Variants in HOMER1 observed in about 807,000 individuals in gnomAD.
HOMER1 encodes the protein homer scaffold protein 1, also known as homer protein homolog 1.
In HOMER1, 3 loss-of-function variants were observed where a neutral mutation model predicts 48.9. The ratio of observed to expected loss-of-function variants is 0.06; its 90% CI spans 0.03 to 0.16. HOMER1 has a LOEUF of 0.16. HOMER1 is among the 10% of genes least tolerant of loss of function. The probability of loss-of-function intolerance (pLI) is 1.00; values close to 1 mark genes in which losing one functional copy is unlikely to be tolerated. For synonymous variants in HOMER1, 134 were observed against 146.4 expected (o/e 0.92, Z 0.61); for missense variants, 247 against 411.4 (o/e 0.60, Z 3.46).
chr5:79,448,740 A>T (rs924966978), intron 3 of HOMER1, among the ~76,000 whole-genome samples: 2 of 152,188 alleles, frequency 1.3e-5, no homozygotes, highest in African/African-American at 4.8e-5. Context: ...CAAAACACCA[A>T]AATTAGTCTA....
chr5:79,422,709 T>C (rs1284040703), intron 5 of HOMER1, among the ~76,000 whole-genome samples: 1 of 151,956 alleles, frequency 6.6e-6, no homozygotes, highest in African/African-American at 2.4e-5. Context: ...CTTTAATGAA[T>C]AGACTTCTAT....
chr5:79,389,981 T>C (rs1358484262), intron 8 of HOMER1, among the ~76,000 whole-genome samples: 2 of 152,060 alleles, frequency 1.3e-5, no homozygotes, highest in Non-Finnish European at 2.9e-5. Context: ...AGTCAAAGGA[T>C]ATCATTAAAA....
chr5:79,446,956 G>A, intron 4 of HOMER1, 97 bp downstream of exon 4: 5 of 757,018 alleles, frequency 6.6e-6, no homozygotes, highest in Non-Finnish European at 1.1e-5. Context: ...ACTAAAGGGT[G>A]CATTTCTGTG....
At chr5:79,509,720 C>T (rs1752882923) in intron 1 of HOMER1, among the ~76,000 whole-genome samples, 1 of 152,144 alleles carries the variant, frequency 6.6e-6, no homozygotes, top group African/African-American at 2.4e-5. Flanking sequence ...TCTCCATTTC[C>T]AAAAAGTTCA....
At chr5:79,510,901 T>C (rs1690859481) in intron 1 of HOMER1, 3 of 651,384 alleles carry the variant, frequency 4.6e-6, no homozygotes, top group Non-Finnish European at 2.7e-6. Context: ...AGAGTAGATA[T>C]CTCTATCTGC....
chr5:79,386,623 G>T (rs1389741282), intron 8 of HOMER1, among the ~76,000 whole-genome samples: 1 of 152,096 alleles, frequency 6.6e-6, no homozygotes, highest in Non-Finnish European at 1.5e-5. Context: ...GAGAGGGATT[G>T]AAATATTACC....
chr5:79,409,834 C>G (rs78605008), intron 5 of HOMER1, among the ~76,000 whole-genome samples: 4,525 of 152,236 alleles, frequency 0.03, 225 homozygotes, highest in African/African-American at 0.1. Flanking sequence ...CACCTCACAT[C>G]CACTAGGATG....
chr5:79,382,722 T>C (rs943839046), intron 8 of HOMER1, among the ~76,000 whole-genome samples: 4 of 152,092 alleles, frequency 2.6e-5, no homozygotes, highest in African/African-American at 9.7e-5. Context: ...CATGAAAGTA[T>C]AAAATATTGT....
intron 1 of HOMER1, among the ~76,000 whole-genome samples, chr5:79,506,668 G>A (rs2112382519): frequency 6.6e-6 from 1 of 152,080 alleles, no homozygotes; most frequent in South Asian, 2.1e-4. Context: ...GAAACCCCAT[G>A]CCTACAAAAA....
chr5:79,389,023 A>G (rs1749184158), intron 8 of HOMER1, among the ~76,000 whole-genome samples: 1 of 152,118 alleles, frequency 6.6e-6, no homozygotes, highest in South Asian at 2.1e-4. Flanking sequence ...ATTTCGTGAA[A>G]TATTCTAGTA....
intron 1 of HOMER1, among the ~76,000 whole-genome samples, chr5:79,509,597 G>A (rs937819941): frequency 1.3e-5 from 2 of 152,130 alleles, no homozygotes; most frequent in Admixed American, 6.5e-5. Context: ...TAGGGGATCT[G>A]ATACACCTAT....
At chr5:79,439,269 A>T in intron 4 of HOMER1, 120 bp from the exon 5 acceptor site, 1 of 846,708 alleles carries the variant, frequency 1.2e-6, no homozygotes, top group Non-Finnish European at 1.7e-6. Flanking sequence ...TTCAACTGAA[A>T]TTTGAGTCAA....
At chr5:79,482,451 C>T (rs1020456545) in intron 1 of HOMER1, among the ~76,000 whole-genome samples, 1 of 151,844 alleles carries the variant, frequency 6.6e-6, no homozygotes, top group East Asian at 1.9e-4. Context: ...TAAGCAGTTA[C>T]ACTTGAACGT....
intron 1 of HOMER1, among the ~76,000 whole-genome samples, chr5:79,501,072 G>A (rs895434025): frequency 2.6e-5 from 4 of 151,922 alleles, no homozygotes; most frequent in African/African-American, 4.8e-5. Flanking sequence ...CCAGGCTCAA[G>A]CCATCCTCCC....
intron 5 of HOMER1, among the ~76,000 whole-genome samples, chr5:79,415,581 A>C (rs1309327225): frequency 1.3e-5 from 2 of 152,250 alleles, no homozygotes; most frequent in Non-Finnish European, 2.9e-5. Context: ...AAGAGTTGTC[A>C]TAGTCATAGT....
chr5:79,471,682 C>G (rs1751626057), intron 1 of HOMER1, among the ~76,000 whole-genome samples: 1 of 151,954 alleles, frequency 6.6e-6, no homozygotes, highest in African/African-American at 2.4e-5. Context: ...CAGTGGTTTT[C>G]AAGAGCCTCT....
intron 6 of HOMER1, 60 bp downstream of exon 6, chr5:79,401,839 T>C: frequency 6.5e-7 from 1 of 1,532,134 alleles, no homozygotes; most frequent in Non-Finnish European, 8.9e-7. Flanking sequence ...CATGCAAATT[T>C]CTTCTGATCA....
intron 1 of HOMER1, among the ~76,000 whole-genome samples, chr5:79,496,745 C>T (rs1186500767): frequency 6.6e-6 from 1 of 151,958 alleles, no homozygotes; most frequent in Non-Finnish European, 1.5e-5. Context: ...AAGAAAGGAA[C>T]ACAAAAGAAA....
intron 8 of HOMER1, among the ~76,000 whole-genome samples, chr5:79,387,321 G>A (rs78125419): frequency 2.5e-3 from 380 of 152,048 alleles, no homozygotes; most frequent in Non-Finnish European, 2.8e-3. Context: ...TGGAGATAGG[G>A]TCCTACTATG....
Sources: allele counts gnomAD v4.1 joint callset (sites outside exome capture counted in the v4.1 genomes callset), GRCh38; gene constraint gnomAD v4.1.1; transcripts MANE v1.5; gene names NCBI Gene and HGNC (gene_info 2026-07-23, HGNC 2026-07-21).